The following RNF6 variants were observed in gnomAD, a reference collection of about 807,000 sequenced individuals.
The protein encoded by RNF6 is ring finger protein 6.
A neutral mutation model predicts 50.1 loss-of-function variants in RNF6; 21 were observed. That is an observed-to-expected ratio of 0.42 (90% CI 0.30 to 0.60). The LOEUF is 0.60. RNF6 is among the 20% of genes least tolerant of loss of function. The pLI is 0.20. For synonymous variants in RNF6, 255 were observed against 291.8 expected, an observed-to-expected ratio of 0.87 and a Z score of 1.29; for missense variants, 698 against 838.2, an observed-to-expected ratio of 0.83 and a Z score of 2.07.
chr13:26,200,310 C>T (rs1031530199), intron 5 of RNF6, among the ~76,000 whole-genome samples: 2 of 151,922 alleles, frequency 1.3e-5, no homozygotes, highest in Admixed American at 1.3e-4. Flanking sequence ...GAATGTAGAA[C>T]AATTGGAATT....
At chr13:26,196,858 CTGAT>C (rs1357671147) in intron 5 of RNF6, among the ~76,000 whole-genome samples, 2 of 151,666 alleles carry the variant, frequency 1.3e-5, no homozygotes, top group East Asian at 3.9e-4. Flanking sequence ...TAAATGAAAA[CTGAT>C]TGTGAAAACA....
intron 5 of RNF6, among the ~76,000 whole-genome samples, chr13:26,146,017 C>A (rs558233600): frequency 2.0e-5 from 3 of 152,328 alleles, no homozygotes; most frequent in African/African-American, 7.2e-5. Context: ...CCTCTATAAA[C>A]CCCTACTTTA....
chr13:26,214,062 G>A lies in RNF6; in HGVS notation c.1820C>T (p.Thr607Ile). The A allele has an allele frequency of 6.2e-7, 1 of 1,614,118 alleles. No homozygotes were observed. The highest frequency in any genetic ancestry group is 8.5e-7 in the Non-Finnish European group (1 of 1,180,030). Residue 607 changes from threonine to isoleucine, a missense_variant, in exon 5 of 5, where the codon ACC (threonine) becomes ATC (isoleucine). Coordinates refer to ENST00000381588, the MANE Select transcript of RNF6 (RefSeq NM_005977.4). ...SDDDDRIRGL[T>I]KEQIDNLSTR... ...GGAAAGATTGTCAATCTGCTCTTTG[G>A]TTAAACCACGTATTCGATCATCATC...
chr13:26,195,701 T>A (rs1439629464), intron 5 of RNF6, among the ~76,000 whole-genome samples: 1 of 152,184 alleles, frequency 6.6e-6, no homozygotes, highest in Non-Finnish European at 1.5e-5. Flanking sequence ...ATAGCAGTTA[T>A]AATTCGAAAC....
intron 5 of RNF6, among the ~76,000 whole-genome samples, chr13:26,182,668 G>A (rs1265335851): frequency 6.6e-6 from 1 of 152,096 alleles, no homozygotes; most frequent in East Asian, 1.9e-4. Flanking sequence ...AGCTGGGCAT[G>A]GTGGCACACA....
chr13:26,138,986 A>G (rs1870792120), intron 5 of RNF6, among the ~76,000 whole-genome samples: 1 of 152,120 alleles, frequency 6.6e-6, no homozygotes, highest in Non-Finnish European at 1.5e-5. Context: ...ATTCTTAGCT[A>G]TTTGCTCTTC....
chr13:26,192,451 C>T (rs545669848), intron 5 of RNF6, among the ~76,000 whole-genome samples: 1 of 152,288 alleles, frequency 6.6e-6, no homozygotes, highest in South Asian at 2.1e-4. Context: ...TTATCCCTGC[C>T]ATCTGGTATT....
intron 5 of RNF6, among the ~76,000 whole-genome samples, chr13:26,133,351 G>A (rs1870487571): frequency 6.6e-6 from 1 of 152,134 alleles, no homozygotes; most frequent in South Asian, 2.1e-4. Flanking sequence ...GGTTGGCTCG[G>A]CTTGTTGAAT....
At chr13:26,184,545 G>A (rs768345361) in intron 5 of RNF6, among the ~76,000 whole-genome samples, 9 of 152,172 alleles carry the variant, frequency 5.9e-5, no homozygotes, top group Non-Finnish European at 1.0e-4. Context: ...TGTCTTCAAA[G>A]TAAAAAGATT....
At chr13:26,159,219 A>T (rs1325112704) in intron 5 of RNF6, among the ~76,000 whole-genome samples, 2 of 152,238 alleles carry the variant, frequency 1.3e-5, no homozygotes, top group African/African-American at 4.8e-5. Context: ...TTGAGCCAAA[A>T]TGTTCACAAA....
intron 5 of RNF6, among the ~76,000 whole-genome samples, chr13:26,195,650 CA>C (rs1288035689): frequency 6.6e-6 from 1 of 152,106 alleles, no homozygotes; most frequent in Non-Finnish European, 1.5e-5. Context: ...TGAAAGAAGT[CA>C]AAAGGCTAAG....
chr13:26,151,327 A>G (rs1871577592), intron 5 of RNF6, among the ~76,000 whole-genome samples: 1 of 151,562 alleles, frequency 6.6e-6, no homozygotes, highest in Non-Finnish European at 1.5e-5. Context: ...CAGTGGTGCT[A>G]TCTCAGCTCA....
chr13:26,180,938 A>G (rs1034612456), intron 5 of RNF6, among the ~76,000 whole-genome samples: 1 of 152,208 alleles, frequency 6.6e-6, no homozygotes, highest in African/African-American at 2.4e-5. Context: ...TGCTTCCTGC[A>G]CTTCCTGTAG....
At chr13:26,148,488 A>G (rs766917002) in intron 5 of RNF6, among the ~76,000 whole-genome samples, 1 of 151,346 alleles carries the variant, frequency 6.6e-6, no homozygotes, top group Non-Finnish European at 1.5e-5. Flanking sequence ...AAATCTAATC[A>G]TATTATGGAA....
At position 26,207,505 on chromosome 13, in the gene RNF6, T is replaced by C. The variant is rs1487837896; in HGVS notation, n.768+7969A>G. On this transcript the variant is annotated intron_variant and non_coding_transcript_variant, in intron 5 of 5. Coordinates refer to the RNF6 transcript ENST00000468480. ...AGAAATAGTGACAACCCTAAGACAA[T>C]AAAAATGAAAATAACAAGTATTCCA... 3.3e-5 allele frequency among the ~76,000 whole-genome samples: 5 copies of C among 152,016 alleles called. No individual in the cohort carries two copies. In the South Asian group the frequency reaches 6.2e-4, roughly 19 times the overall value.
chr13:26,182,746 A>G (rs1022300641), intron 5 of RNF6, among the ~76,000 whole-genome samples: 1 of 152,184 alleles, frequency 6.6e-6, no homozygotes, highest in Non-Finnish European at 1.5e-5. Flanking sequence ...TCAAGGCCAC[A>G]ATGAGCCATG....
intron 5 of RNF6, among the ~76,000 whole-genome samples, chr13:26,185,512 C>G (rs904233372): frequency 1.3e-4 from 20 of 151,896 alleles, no homozygotes; most frequent in African/African-American, 4.8e-4. Context: ...TTTGGGAGGC[C>G]GAGGTGGGCG....
At position 26,215,489 on chromosome 13, in the gene RNF6, G is replaced by C; in HGVS notation, c.393C>G (p.Asn131Lys). The C allele has an allele frequency of 6.2e-7, 1 of 1,614,032 alleles. No individual in the cohort carries two copies. The highest frequency in any genetic ancestry group is 8.5e-7 in the Non-Finnish European group (1 of 1,180,022). The change falls in exon 5 of 5, where the codon AAC (asparagine) becomes AAG (lysine). Residue 131 changes from asparagine to lysine, a missense_variant. By Grantham distance (94) the Asn-to-Lys change is moderately conservative (BLOSUM62 0). Transcript: ENST00000381588. ...TTCGACTCACAGCTCTCCAAGTTTG[G>C]TTCCCATTTTGTCCACTTCGAGTTG... ...GNATRSGQNG[N>K]QTWRAVSRTN...
chr13:26,149,373 G>A (rs1299649781), intron 5 of RNF6, among the ~76,000 whole-genome samples: 1 of 152,088 alleles, frequency 6.6e-6, no homozygotes, highest in Admixed American at 6.5e-5. Context: ...AGATCACGAG[G>A]TCAGGAGATT....
Sources: allele counts gnomAD v4.1 joint callset (sites outside exome capture counted in the v4.1 genomes callset), GRCh38; gene constraint gnomAD v4.1.1; transcripts MANE v1.5; gene names NCBI Gene and HGNC (gene_info 2026-07-23, HGNC 2026-07-21).